CRYBG3: variants seen among roughly 807,000 people sequenced by gnomAD.
CRYBG3 encodes the protein very large A-kinase anchor protein.
Under a neutral mutation model 244.2 loss-of-function variants are expected in CRYBG3, and 127 were observed. That is an observed-to-expected ratio of 0.52 (90% CI 0.45 to 0.60). The LOEUF is 0.60. Among genes scored for constraint, CRYBG3 ranks in the 20% least tolerant of loss-of-function variants. The pLI is 0.00. For missense variants in CRYBG3, 3,325 were observed against 3,442.5 expected (o/e 0.97, Z 0.85); for synonymous variants, 1,132 against 1,195.8 (o/e 0.95, Z 1.10).
At chr3:97,909,626 G>A (rs1384175924) in intron 15 of CRYBG3, among the ~76,000 whole-genome samples, 9 of 150,864 alleles carry the variant, frequency 6.0e-5, no homozygotes, top group Non-Finnish European at 1.2e-4. Context: ...TCTCTGTATT[G>A]GTTATTCTAG....
At position 97,876,492 on chromosome 3, in the gene CRYBG3, C is replaced by T; in HGVS notation, c.5298C>T (p.Tyr1766=). 3 of 1,231,920 alleles carry T rather than the reference C, an allele frequency of 2.4e-6. No individual in the cohort carries two copies. The highest frequency in any genetic ancestry group is 4.1e-5 in the South Asian group (1 of 24,294). 76.3% of individuals were successfully genotyped at this position (1,231,920 alleles called of 1,614,324 possible). A position where few individuals can be genotyped will look rare whatever the true frequency, so the allele number is the denominator to read the frequency against. Residue 1766 remains tyrosine (Y), a synonymous_variant, in exon 4 of 22, where the codon TAC becomes TAT. Coordinates refer to ENST00000389622, the MANE Select transcript of CRYBG3 (RefSeq NM_153605.4). ...MPLALEVVNT[Y]QKNAKGFTGN... ...TTGCATTAGAGGTAGTAAATACTTA[C>T]CAAAAAAATGCCAAAGGTTTTACCG...
At chr3:97,855,308 G>T (rs531877021) in intron 2 of CRYBG3, among the ~76,000 whole-genome samples, 5 of 152,036 alleles carry the variant, frequency 3.3e-5, no homozygotes, top group Admixed American at 6.6e-5. Flanking sequence ...TTTTGTGTGT[G>T]TTTGTGTGTC....
intron 21 of CRYBG3, 134 bp downstream of exon 21, chr3:97,942,577 T>C: frequency 4.8e-6 from 4 of 839,670 alleles, no homozygotes; most frequent in Non-Finnish European, 7.1e-6. Flanking sequence ...TGAAGAAAAT[T>C]AAGATAGGCA....
intron 1 of CRYBG3, among the ~76,000 whole-genome samples, chr3:97,835,118 T>C (rs1016371945): frequency 9.2e-5 from 14 of 152,094 alleles, no homozygotes; most frequent in African/African-American, 1.9e-4. Context: ...CTGACAATAA[T>C]GCGTATATTT....
In CRYBG3 at chr3:97,944,054, A is replaced by T. The variant is rs1285696194; in HGVS notation, c.*740A>T. 1 of 151,754 alleles carries T rather than the reference A, an allele frequency of 6.6e-6. No individual in the cohort carries two copies. The highest frequency in any genetic ancestry group is 2.4e-5 in the African/African-American group (1 of 41,374). The allele number at this position is 151,754 out of a possible 1,614,324, so 9.4% of individuals were successfully genotyped here. ...CCTTTAGGTGACAAGACTCTATAAC[A>T]GTGGTTACCTGTCTCCATGTTGACA... On this transcript the variant is annotated 3_prime_UTR_variant, in exon 22 of 22. Transcript: ENST00000389622.
intron 17 of CRYBG3, among the ~76,000 whole-genome samples, chr3:97,916,934 G>T (rs1374492670): frequency 6.6e-6 from 1 of 152,108 alleles, no homozygotes; most frequent in Non-Finnish European, 1.5e-5. Flanking sequence ...CTTTGATAAT[G>T]CTGGAAAAGA....
chr3:97,822,628 C>T (rs2108145587), intron 1 of CRYBG3, among the ~76,000 whole-genome samples: 1 of 152,360 alleles, frequency 6.6e-6, no homozygotes, highest in African/African-American at 2.4e-5. Context: ...CGCGCTCTTC[C>T]TTTCCCACTT....
chr3:97,904,699 TA>T (rs1319376411), intron 15 of CRYBG3, among the ~76,000 whole-genome samples: 1 of 150,982 alleles, frequency 6.6e-6, no homozygotes, highest in Non-Finnish European at 1.5e-5. Context: ...TTTTTATTTT[TA>T]TTTTTTTTTA....
chr3:97,879,703 G>T lies in CRYBG3; in HGVS notation c.6844-1G>T. 1 of 1,596,754 alleles carries T rather than the reference G, an allele frequency of 6.3e-7. No homozygotes were observed. ...TTACTTTTCCACTTTTATTATTTCAGAATGTTGACAAACAAACTCTGAGAT... is the reference window on the plus strand; with the variant it reads ...TTACTTTTCCACTTTTATTATTTCATAATGTTGACAAACAAACTCTGAGAT... On this transcript the variant is annotated splice_acceptor_variant, in intron 4 of 21. Transcript: ENST00000389622. LOFTEE classifies it high-confidence loss of function.
At chr3:97,912,382 TCAA>T in intron 16 of CRYBG3, 106 bp downstream of exon 16, 1 of 509,060 alleles carries the variant, frequency 2.0e-6, no homozygotes, top group Non-Finnish European at 3.4e-6. Flanking sequence ...AAATTTATCT[TCAA>T]CAGGCATTTT....
At chr3:97,842,817 C>G (rs182108332) in intron 1 of CRYBG3, among the ~76,000 whole-genome samples, 1 of 152,170 alleles carries the variant, frequency 6.6e-6, no homozygotes, top group East Asian at 1.9e-4. Flanking sequence ...TAACACCCAG[C>G]ATGGGCATTA....
intron 3 of CRYBG3, chr3:97,866,969 A>T (rs1371286327): frequency 6.6e-6 from 1 of 152,188 alleles, no homozygotes; most frequent in East Asian, 1.9e-4. Flanking sequence ...TACCAGGCTT[A>T]GAATTACAGT....
Position 97,872,855 on chromosome 3 carries a change from C to A in CRYBG3, c.1661C>A (p.Ser554Ter). 6.5e-7 allele frequency: 1 copy of A among 1,535,812 alleles called. No individual in the cohort carries two copies. The highest frequency in any genetic ancestry group is 1.2e-5 in the South Asian group (1 of 83,944). The change falls in exon 4 of 22, where the codon TCA (serine) becomes TAA (stop). Residue 554 changes from serine to a stop codon, truncating the protein, a stop_gained. Transcript: ENST00000389622. LOFTEE classifies it high-confidence loss of function. ...AAAGCTCCAGAAGATAAAATTGAGTCATTACCCAAAGATACTGACCAATAC... is the reference window on the plus strand; with the variant it reads ...AAAGCTCCAGAAGATAAAATTGAGTAATTACCCAAAGATACTGACCAATAC... Reference protein sequence around the residue: ...HVKAPEDKIESLPKDTDQYFE... With the variant: ...HVKAPEDKIE
At chr3:97,856,553 A>G (rs927234228) in intron 2 of CRYBG3, among the ~76,000 whole-genome samples, 1 of 152,214 alleles carries the variant, frequency 6.6e-6, no homozygotes, top group Non-Finnish European at 1.5e-5. Flanking sequence ...TAAAAGTATT[A>G]ATTTGGAGAA....
rs1007400966 is a variant in CRYBG3 at position 97,909,231 on chromosome 3, G to C, written c.8005-2936G>C. 8.1e-4 allele frequency among the ~76,000 whole-genome samples: 120 copies of C among 147,794 alleles called. No homozygotes were observed. The East Asian group carries it at 0.023, about 29-fold the overall frequency. ...GAATCTGACAATTATGTGTCTTGGA[G>C]TTGCTCTTCTCAAGGAGTATCTTTG... is the stretch of plus-strand genomic sequence containing the variant. On this transcript the variant is annotated intron_variant, in intron 15 of 21. Coordinates refer to ENST00000389622, the MANE Select transcript of CRYBG3 (RefSeq NM_153605.4).
At chr3:97,930,103 T>C (rs1262593290) in intron 17 of CRYBG3, among the ~76,000 whole-genome samples, 2 of 152,062 alleles carry the variant, frequency 1.3e-5, no homozygotes, top group African/African-American at 4.8e-5. Flanking sequence ...GGCTTCTAGA[T>C]TTTTTCCCCC....
At chr3:97,886,309 A>C (rs2039506218) in intron 7 of CRYBG3, among the ~76,000 whole-genome samples, 1 of 152,178 alleles carries the variant, frequency 6.6e-6, no homozygotes, top group African/African-American at 2.4e-5. Flanking sequence ...TTTGGCACTC[A>C]AATAGTTTGG....
intron 18 of CRYBG3, 25 bp downstream of exon 18, chr3:97,933,858 C>A: frequency 6.2e-7 from 1 of 1,604,710 alleles, no homozygotes; most frequent in South Asian, 1.1e-5. Context: ...AAGGCTTGGT[C>A]TGGTTCAGTT....
Position 97,873,330 on chromosome 3 carries a change from A to G in CRYBG3, c.2136A>G (p.Ala712=). 6.5e-7 allele frequency: 1 copy of G among 1,535,944 alleles called. No homozygotes were observed. Among genetic ancestry groups the G allele is most frequent in the Non-Finnish European group, 8.7e-7 (1 of 1,146,800 alleles). The change falls in exon 4 of 22, where the codon GCA becomes GCG. Residue 712 remains alanine, a synonymous_variant. Transcript: ENST00000389622. ...ATGTGAAAAACCATGTTGAGGCTGC[A>G]GGCAGGAAGAGTCCTCCTCCTTCCT... The part of the protein sequence containing the change: ...EENVKNHVEA[A]GRKSPPPSFC...
Sources: gnomAD v4.1 joint callset for allele counts (sites outside exome capture counted in the v4.1 genomes callset) on GRCh38, gnomAD v4.1.1 for gene constraint, MANE v1.5 for transcripts, NCBI Gene and HGNC (gene_info 2026-07-23, HGNC 2026-07-21) for gene names.